The following KAT6B variants were observed in gnomAD, a reference collection of about 807,000 sequenced individuals.
KAT6B encodes histone acetyltransferase KAT6B.
In KAT6B, 10 loss-of-function variants were observed where a neutral mutation model predicts 187.5. The ratio of observed to expected loss-of-function variants is 0.05; its 90% CI spans 0.03 to 0.09. The LOEUF is 0.09. Ranked by LOEUF, KAT6B falls within the 10% of genes least tolerant of loss-of-function variation. KAT6B has a pLI of 1.00. For synonymous variants in KAT6B, 861 were observed against 926.8 expected (o/e 0.93, Z 1.29); for missense variants, 1,952 against 2,558.9 (o/e 0.76, Z 5.12).
At chr10:74,977,837 A>G (rs934441989) in intron 9 of KAT6B, among the ~76,000 whole-genome samples, 2 of 152,264 alleles carry the variant, frequency 1.3e-5, no homozygotes, top group African/African-American at 4.8e-5. Flanking sequence ...GGCCAGCCAT[A>G]TGAAAAATGT....
At chr10:74,876,514 G>A (rs1472448919) in intron 3 of KAT6B, among the ~76,000 whole-genome samples, 1 of 152,118 alleles carries the variant, frequency 6.6e-6, no homozygotes, top group African/African-American at 2.4e-5. Flanking sequence ...ATTTAAGTAG[G>A]CCTTTTATTC....
chr10:74,864,682 T>C (rs1466439008), intron 3 of KAT6B, among the ~76,000 whole-genome samples: 1 of 152,166 alleles, frequency 6.6e-6, no homozygotes, highest in African/African-American at 2.4e-5. Flanking sequence ...GCTGGGATTA[T>C]AGGCATGGGC....
Position 75,021,934 on chromosome 10 carries a change from C to T in KAT6B, c.3075C>T (p.Ile1025=). ...GCTGGGAGAAGGAGGAACAAGAAAT[C>T]CTGTCAACTAGAGCTAACAGTAGGC... ...ASCWEKEEQE[I]LSTRANSRQS... Residue 1025 remains isoleucine, a synonymous_variant, in exon 16 of 18, where the codon ATC becomes ATT. Transcript: ENST00000287239. 1.2e-6 allele frequency: 2 copies of T among 1,614,136 alleles called. No homozygotes were observed. Among genetic ancestry groups the T allele is most frequent in the Non-Finnish European group, 1.7e-6 (2 of 1,180,018 alleles).
chr10:74,840,785 G>C (rs2132052395), intron 2 of KAT6B, among the ~76,000 whole-genome samples: 1 of 152,246 alleles, frequency 6.6e-6, no homozygotes, highest in African/African-American at 2.4e-5. Flanking sequence ...CCTCCTTTAA[G>C]GTGGCATTTT....
At chr10:74,921,923 C>T (rs1564565557) in intron 3 of KAT6B, among the ~76,000 whole-genome samples, 1 of 152,230 alleles carries the variant, frequency 6.6e-6, no homozygotes, top group Non-Finnish European at 1.5e-5. Flanking sequence ...CCCATGGCCA[C>T]AGACCCTGAC....
intron 3 of KAT6B, among the ~76,000 whole-genome samples, chr10:74,897,533 C>G (rs894839294): frequency 6.6e-6 from 1 of 152,206 alleles, no homozygotes; most frequent in African/African-American, 2.4e-5. Flanking sequence ...TTAAACTTTA[C>G]GGGCAGAGAA....
intron 7 of KAT6B, 31 bp from the exon 8 acceptor site, chr10:74,975,368 T>TG (rs1170397206): frequency 6.3e-7 from 1 of 1,575,830 alleles, no homozygotes; most frequent in African/African-American, 1.3e-5. Flanking sequence ...ATTTATTAAA[T>TG]GCTGATACTA....
At chr10:74,834,103 C>T (rs566764844) in intron 1 of KAT6B, among the ~76,000 whole-genome samples, 1 of 152,296 alleles carries the variant, frequency 6.6e-6, no homozygotes, top group East Asian at 1.9e-4. Flanking sequence ...ATGCCCTTCC[C>T]TGTGCATTAT....
At chr10:74,861,307 TA>T (rs111527826) in intron 3 of KAT6B, among the ~76,000 whole-genome samples, 1 of 150,802 alleles carries the variant, frequency 6.6e-6, no homozygotes, top group East Asian at 1.9e-4. Flanking sequence ...GTCTCAAAGG[TA>T]AAAAAAAAGA....
At position 75,021,255 on chromosome 10, in the gene KAT6B, G is replaced by A. The variant is rs1421489322; in HGVS notation, c.2991G>A (p.Val997=). Residue 997 remains valine, a synonymous_variant, in exon 15 of 18, where the codon GTG becomes GTA. Transcript: ENST00000287239. ...WTPILISNAA[V]SEEEREAEKE... is the part of the protein sequence containing the mutation. ...CAATTTTAATTTCTAATGCTGCAGTGTCTGAAGAAGAGCGAGAAGCTGAGA... is the reference window on the plus strand; with the variant it reads ...CAATTTTAATTTCTAATGCTGCAGTATCTGAAGAAGAGCGAGAAGCTGAGA... The A allele has an allele frequency of 3.1e-6, 5 of 1,614,182 alleles. No individual in the cohort carries two copies. The highest frequency in any genetic ancestry group is 4.2e-6 in the Non-Finnish European group (5 of 1,180,030).
intron 13 of KAT6B, among the ~76,000 whole-genome samples, chr10:74,991,182 T>G (rs1237824259): frequency 6.6e-6 from 1 of 152,158 alleles, no homozygotes; most frequent in Non-Finnish European, 1.5e-5. Flanking sequence ...TTGATGGAGG[T>G]TTCATACTTC....
chr10:74,890,492 T>C (rs1406500544), intron 3 of KAT6B, among the ~76,000 whole-genome samples: 1 of 151,982 alleles, frequency 6.6e-6, no homozygotes, highest in Non-Finnish European at 1.5e-5. Context: ...TATAAAAAAT[T>C]AGCCGGGCCA....
At chr10:74,918,020 T>A (rs930192624) in intron 3 of KAT6B, among the ~76,000 whole-genome samples, 1 of 152,252 alleles carries the variant, frequency 6.6e-6, no homozygotes, top group Non-Finnish European at 1.5e-5. Flanking sequence ...AAATTTTTTT[T>A]AAATCTCATT....
At chr10:75,008,341 A>G (rs1194268438) in intron 13 of KAT6B, among the ~76,000 whole-genome samples, 1 of 152,194 alleles carries the variant, frequency 6.6e-6, no homozygotes, top group African/African-American at 2.4e-5. Context: ...GAGCAGTTCT[A>G]AAATTTGTGG....
intron 3 of KAT6B, among the ~76,000 whole-genome samples, chr10:74,931,773 C>T (rs778071959): frequency 4.6e-5 from 7 of 152,198 alleles, no homozygotes; most frequent in Non-Finnish European, 1.0e-4. Context: ...TGCAGTGGCT[C>T]AAGCTTGGCT....
chr10:75,032,111 G>A lies in KAT6B; in HGVS notation c.*1065G>A, dbSNP rs189519310. On this transcript the variant is annotated 3_prime_UTR_variant, in exon 18 of 18. Coordinates refer to ENST00000287239, the MANE Select transcript of KAT6B (RefSeq NM_012330.4). Reference sequence around the variant, plus strand: ...TATTGCTTCCTTTTTTGTAGCCTTTGTACCTGTACAGGGTGACAGTAAGGG... The same window carrying A: ...TATTGCTTCCTTTTTTGTAGCCTTTATACCTGTACAGGGTGACAGTAAGGG... 5.1e-6 allele frequency: 1 copy of A among 197,282 alleles called. No homozygotes were observed. The highest frequency in any genetic ancestry group is 8.0e-5 in the East Asian group (1 of 12,538). The allele number at this position is 197,282 out of a possible 1,614,324, so 12.2% of individuals were successfully genotyped here.
At chr10:74,916,973 T>G (rs1847736614) in intron 3 of KAT6B, among the ~76,000 whole-genome samples, 1 of 152,064 alleles carries the variant, frequency 6.6e-6, no homozygotes, top group Non-Finnish European at 1.5e-5. Context: ...AGTGTGGTGG[T>G]GCACACCTGC....
At chr10:74,903,009 G>A (rs1451558895) in intron 3 of KAT6B, among the ~76,000 whole-genome samples, 1 of 152,166 alleles carries the variant, frequency 6.6e-6, no homozygotes, top group Non-Finnish European at 1.5e-5. Context: ...CAGCTCAGAA[G>A]AAGGAAAAAG....
At chr10:74,881,954 G>T (rs936637117) in intron 3 of KAT6B, among the ~76,000 whole-genome samples, 5 of 152,320 alleles carry the variant, frequency 3.3e-5, no homozygotes, top group African/African-American at 9.6e-5. Flanking sequence ...ACCACACTTG[G>T]CTGGGGATGG....
Sources: gnomAD v4.1 joint callset for allele counts (sites outside exome capture counted in the v4.1 genomes callset) on GRCh38, gnomAD v4.1.1 for gene constraint, MANE v1.5 for transcripts, NCBI Gene and HGNC (gene_info 2026-07-23, HGNC 2026-07-21) for gene names.